Variants in BAIAP2L1 observed in about 807,000 individuals in gnomAD.
The protein encoded by BAIAP2L1 is BAR/IMD domain containing adaptor protein 2 like 1, also known as BAR/IMD domain-containing adapter protein 2-like 1.
Under a neutral mutation model 66.3 loss-of-function variants are expected in BAIAP2L1, and 35 were observed. The observed-to-expected ratio is 0.53, with a 90% CI of 0.40 to 0.70. The LOEUF (loss-of-function observed/expected upper bound fraction) is 0.70. Among genes scored for constraint, BAIAP2L1 ranks in the 30% least tolerant of loss-of-function variants. The pLI is 0.00. For synonymous variants in BAIAP2L1, 269 were observed against 248.7 expected, an observed-to-expected ratio of 1.08 and a Z score of -0.77; for missense variants, 622 against 656.9, an observed-to-expected ratio of 0.95 and a Z score of 0.58.
intron 3 of BAIAP2L1, among the ~76,000 whole-genome samples, chr7:98,347,041 C>G (rs768142508): frequency 6.6e-6 from 1 of 152,124 alleles, no homozygotes; most frequent in Non-Finnish European, 1.5e-5. Context: ...CAAAACTTCA[C>G]CTTAAAGGAA....
rs117558594 is a variant in BAIAP2L1 at position 98,344,333 on chromosome 7, C to A, written c.214+10709G>T. ...TATATGTTAACTCTTATCTTCAAGT[C>A]ATTGAGAACATTCAGCATGAAAACA... On this transcript the variant is annotated intron_variant, in intron 3 of 13. Transcript: ENST00000005260. Among the ~76,000 whole-genome samples, 430 of 152,298 alleles carry A rather than the reference C, an allele frequency of 2.8e-3. 1 individual carries two copies. Among genetic ancestry groups the A allele is most frequent in the Non-Finnish European group, 4.8e-3 (326 of 68,026 alleles).
chr7:98,375,742 CAAAAAAAAAAA>C (rs372282399), intron 1 of BAIAP2L1, among the ~76,000 whole-genome samples: 1 of 59,086 alleles, frequency 1.7e-5, no homozygotes, highest in Non-Finnish European at 3.2e-5. Flanking sequence ...AAGTCCATCT[CAAAAAAAAAAA>C]AAAAAAAAAG....
Position 98,362,414 on chromosome 7 carries a change from T to C in BAIAP2L1, c.70A>G (p.Asn24Asp). The C allele has an allele frequency of 6.2e-7, 1 of 1,611,536 alleles. No homozygotes were observed. Among genetic ancestry groups the C allele is most frequent in the Admixed American group, 1.7e-5 (1 of 59,460 alleles). The change falls in exon 2 of 14, where the codon AAT becomes GAT. Residue 24 changes from asparagine to aspartate, a missense_variant. Transcript: ENST00000005260. Reference protein sequence around the residue: ...STYRNVMEQFNPGLRNLINLG... With the variant: ...STYRNVMEQFDPGLRNLINLG... ...TTTATTAAATTTCGCAGCCCAGGATTGAACTGTTCCATAACATTCTGCCAA... is the reference window on the plus strand; with the variant it reads ...TTTATTAAATTTCGCAGCCCAGGATCGAACTGTTCCATAACATTCTGCCAA...
At chr7:98,312,847 C>A (rs577184172) in intron 7 of BAIAP2L1, among the ~76,000 whole-genome samples, 1 of 152,288 alleles carries the variant, frequency 6.6e-6, no homozygotes, top group Admixed American at 6.5e-5. Flanking sequence ...GGGGTGAGAA[C>A]CCGCAACCCT....
intron 1 of BAIAP2L1, among the ~76,000 whole-genome samples, chr7:98,398,633 C>G (rs1044647417): frequency 2.0e-5 from 3 of 152,128 alleles, no homozygotes; most frequent in Non-Finnish European, 2.9e-5. Flanking sequence ...TCTACAAATA[C>G]GTATAACCAA....
chr7:98,393,500 T>C (rs1287747611), intron 1 of BAIAP2L1, among the ~76,000 whole-genome samples: 1 of 151,902 alleles, frequency 6.6e-6, no homozygotes, highest in Non-Finnish European at 1.5e-5. Flanking sequence ...ACTTTTCTAT[T>C]TATTTATTTT....
intron 5 of BAIAP2L1, among the ~76,000 whole-genome samples, chr7:98,318,135 C>G (rs763736630): frequency 6.6e-6 from 1 of 152,228 alleles, no homozygotes; most frequent in Non-Finnish European, 1.5e-5. Context: ...CACATTGCCC[C>G]CTTCATGCAA....
intron 1 of BAIAP2L1, chr7:98,386,545 T>G (rs1802895008): frequency 1.9e-6 from 3 of 1,597,528 alleles, no homozygotes; most frequent in Non-Finnish European, 2.5e-6. Flanking sequence ...GCTCCCTTTT[T>G]GCCGCCTTTC....
At chr7:98,319,294 T>C (rs73147355) in intron 5 of BAIAP2L1, among the ~76,000 whole-genome samples, 163 of 152,242 alleles carry the variant, frequency 1.1e-3, no homozygotes, top group Non-Finnish European at 1.7e-3. Flanking sequence ...ATAAACCTGC[T>C]GAAATGGACA....
intron 7 of BAIAP2L1, among the ~76,000 whole-genome samples, chr7:98,314,798 T>TC (rs1226979152): frequency 3.9e-5 from 6 of 152,254 alleles, no homozygotes; most frequent in Non-Finnish European, 7.4e-5. Flanking sequence ...CCGCTGGGAC[T>TC]CACCAGCAGC....
chr7:98,369,789 C>T (rs536253446), intron 1 of BAIAP2L1, among the ~76,000 whole-genome samples: 276 of 151,568 alleles, frequency 1.8e-3, no homozygotes, highest in African/African-American at 6.2e-3. Context: ...CTTGTGCCTC[C>T]GCCTCCCAAG....
chr7:98,331,407 C>G (rs950836705), intron 3 of BAIAP2L1, among the ~76,000 whole-genome samples: 3 of 150,776 alleles, frequency 2.0e-5, no homozygotes, highest in African/African-American at 7.3e-5. Context: ...AGGATAAATA[C>G]TAGAAAATCT....
chr7:98,381,538 A>T (rs955632578), intron 1 of BAIAP2L1, among the ~76,000 whole-genome samples: 4 of 152,182 alleles, frequency 2.6e-5, no homozygotes, highest in Admixed American at 2.6e-4. Context: ...TCATAGAAGA[A>T]TATTCTCAGA....
intron 3 of BAIAP2L1, among the ~76,000 whole-genome samples, chr7:98,327,754 G>A (rs1370618829): frequency 6.6e-6 from 1 of 152,132 alleles, no homozygotes; most frequent in East Asian, 1.9e-4. Context: ...TCGTGCCTGT[G>A]CCAATTCTTT....
At chr7:98,342,120 T>A (rs1227978463) in intron 3 of BAIAP2L1, among the ~76,000 whole-genome samples, 1 of 146,666 alleles carries the variant, frequency 6.8e-6, no homozygotes, top group African/African-American at 2.5e-5. Flanking sequence ...GGTGTAATCA[T>A]GGCTCACTGC....
intron 12 of BAIAP2L1, among the ~76,000 whole-genome samples, chr7:98,297,256 C>T (rs1562962776): frequency 6.6e-6 from 1 of 152,236 alleles, no homozygotes; most frequent in Admixed American, 6.5e-5. Flanking sequence ...ACCCATCACT[C>T]GATGCCTGGT....
intron 1 of BAIAP2L1, among the ~76,000 whole-genome samples, chr7:98,370,551 G>A (rs1439095023): frequency 6.6e-6 from 1 of 151,868 alleles, no homozygotes; most frequent in Non-Finnish European, 1.5e-5. Flanking sequence ...GTCGCCCAGG[G>A]AGTGCAGTGG....
intron 3 of BAIAP2L1, among the ~76,000 whole-genome samples, chr7:98,337,694 G>C (rs1470346312): frequency 6.6e-6 from 1 of 152,046 alleles, no homozygotes; most frequent in Non-Finnish European, 1.5e-5. Flanking sequence ...GAGAAGGGTG[G>C]ATCACAAGGT....
chr7:98,297,303 T>C (rs1443926871), intron 12 of BAIAP2L1, among the ~76,000 whole-genome samples: 1 of 152,204 alleles, frequency 6.6e-6, no homozygotes, highest in African/African-American at 2.4e-5. Context: ...GCTTCCAGGG[T>C]GCCCACCACA....
Sources: allele counts gnomAD v4.1 joint callset (sites outside exome capture counted in the v4.1 genomes callset), GRCh38; gene constraint gnomAD v4.1.1; transcripts MANE v1.5; gene names NCBI Gene and HGNC (gene_info 2026-07-23, HGNC 2026-07-21).